Variants in ENTREP2 observed in about 807,000 individuals in gnomAD.
ENTREP2 encodes the protein protein ENTREP2.
the ENTREP2 span, among the ~76,000 whole-genome samples, chr15:29,261,582 C>A: frequency 6.6e-3 from 997 of 152,154 alleles, 13 homozygotes; most frequent in African/African-American, 0.023. Flanking sequence ...TGGAACATAC[C>A]AAAAGCTAAC....
chr15:29,246,740 A>G, the ENTREP2 span, among the ~76,000 whole-genome samples: 4 of 152,120 alleles, frequency 2.6e-5, no homozygotes, highest in Non-Finnish European at 4.4e-5. Flanking sequence ...ATTTTAGCAA[A>G]AGACTAGAAA....
At chr15:29,450,114 ATTTG>A in the ENTREP2 span, among the ~76,000 whole-genome samples, 1,117 of 152,096 alleles carry the variant, frequency 7.3e-3, 11 homozygotes, top group African/African-American at 0.026. Flanking sequence ...TTGCTTGTAC[ATTTG>A]TTTAAGTTCC....
At chr15:29,352,500 T>A in the ENTREP2 span, among the ~76,000 whole-genome samples, 3 of 152,166 alleles carry the variant, frequency 2.0e-5, no homozygotes, top group African/African-American at 7.2e-5. Context: ...GCTTATGAAA[T>A]TACATTCTGA....
chr15:29,529,569 G>C, the ENTREP2 span, among the ~76,000 whole-genome samples: 1 of 151,896 alleles, frequency 6.6e-6, no homozygotes, highest in Non-Finnish European at 1.5e-5. Context: ...ATTCTGAAAG[G>C]CTCACTCACA....
chr15:29,492,217 G>C, the ENTREP2 span, among the ~76,000 whole-genome samples: 1 of 152,108 alleles, frequency 6.6e-6, no homozygotes, highest in African/African-American at 2.4e-5. Flanking sequence ...TTAATCACCT[G>C]TATAAAACTG....
At chr15:29,662,460 A>T in the ENTREP2 span, among the ~76,000 whole-genome samples, 1 of 152,306 alleles carries the variant, frequency 6.6e-6, no homozygotes, top group Admixed American at 6.5e-5. Context: ...GTTATATCCC[A>T]GCATAGTGAT....
At chr15:29,345,762 G>A in the ENTREP2 span, among the ~76,000 whole-genome samples, 1 of 152,058 alleles carries the variant, frequency 6.6e-6, no homozygotes, top group South Asian at 2.1e-4. Flanking sequence ...ACCCCAGCGG[G>A]GAGAGCTGTT....
chr15:29,395,930 G>T, the ENTREP2 span, among the ~76,000 whole-genome samples: 1 of 152,098 alleles, frequency 6.6e-6, no homozygotes, highest in Non-Finnish European at 1.5e-5. Flanking sequence ...GTGGAGAAAG[G>T]CCTAGTCAAG....
At chr15:29,464,856 G>A in the ENTREP2 span, among the ~76,000 whole-genome samples, 9 of 152,118 alleles carry the variant, frequency 5.9e-5, no homozygotes, top group East Asian at 1.9e-4. Flanking sequence ...TGACACCATC[G>A]GGCCTGTACC....
chr15:29,321,453 G>T, the ENTREP2 span, among the ~76,000 whole-genome samples: 2 of 152,032 alleles, frequency 1.3e-5, no homozygotes, highest in South Asian at 2.1e-4. Context: ...TTCGAGACCA[G>T]CCTGGCCAAG....
At chr15:29,476,977 G>A in the ENTREP2 span, among the ~76,000 whole-genome samples, 1 of 152,090 alleles carries the variant, frequency 6.6e-6, no homozygotes, top group Non-Finnish European at 1.5e-5. Flanking sequence ...AGAATGTGTC[G>A]GCAGCACTGA....
At chr15:29,143,502 G>A in the ENTREP2 span, among the ~76,000 whole-genome samples, 3 of 152,154 alleles carry the variant, frequency 2.0e-5, no homozygotes, top group Admixed American at 2.0e-4. Flanking sequence ...GGGCATGGCT[G>A]TCATCCCCTC....
the ENTREP2 span, among the ~76,000 whole-genome samples, chr15:29,417,134 C>T: frequency 1.3e-5 from 2 of 152,174 alleles, no homozygotes; most frequent in African/African-American, 4.8e-5. Context: ...ACCCAGCCAT[C>T]CCATTACTGG....
chr15:29,455,312 G>C, the ENTREP2 span, among the ~76,000 whole-genome samples: 1 of 152,086 alleles, frequency 6.6e-6, no homozygotes, highest in East Asian at 1.9e-4. Context: ...TCAGCAAAGA[G>C]AGCCACCCAG....
At chr15:29,119,881 G>C in the ENTREP2 span, among the ~76,000 whole-genome samples, 1 of 152,178 alleles carries the variant, frequency 6.6e-6, no homozygotes, top group East Asian at 1.9e-4. Flanking sequence ...GTCCCGGGGA[G>C]AGAGCCCTGG....
At chr15:29,224,857 G>A in the ENTREP2 span, among the ~76,000 whole-genome samples, 1 of 152,180 alleles carries the variant, frequency 6.6e-6, no homozygotes, top group African/African-American at 2.4e-5. Flanking sequence ...GGTGCACACT[G>A]GGGAGGCTCC....
chr15:29,386,787 A>G, the ENTREP2 span, among the ~76,000 whole-genome samples: 2 of 152,202 alleles, frequency 1.3e-5, no homozygotes, highest in African/African-American at 4.8e-5. Flanking sequence ...GAGGCAGACC[A>G]TTCAGAGTGC....
chr15:29,234,648 T>A, the ENTREP2 span: 1 of 1,563,400 alleles, frequency 6.4e-7, no homozygotes, highest in Non-Finnish European at 8.8e-7. Flanking sequence ...CTACCAGTTC[T>A]ATCTTCACCA....
At chr15:29,245,267 T>C in the ENTREP2 span, among the ~76,000 whole-genome samples, 1 of 152,198 alleles carries the variant, frequency 6.6e-6, no homozygotes, top group Non-Finnish European at 1.5e-5. Flanking sequence ...AAAGTTCATA[T>C]GTATATTTTA....
Sources: allele counts gnomAD v4.1 joint callset (sites outside exome capture counted in the v4.1 genomes callset), GRCh38; gene constraint gnomAD v4.1.1; transcripts MANE v1.5; gene names NCBI Gene and HGNC (gene_info 2026-07-23, HGNC 2026-07-21).